The following KCTD16 variants were observed in gnomAD, a reference collection of about 807,000 sequenced individuals.
KCTD16 encodes potassium channel tetramerization domain containing 16.
Under a neutral mutation model 33.2 loss-of-function variants are expected in KCTD16, and 13 were observed. The observed-to-expected ratio is 0.39, with a 90% CI of 0.25 to 0.62. The LOEUF (loss-of-function observed/expected upper bound fraction) is 0.62. KCTD16 is among the 20% of genes least tolerant of loss of function. KCTD16 has a pLI of 0.50. For synonymous variants in KCTD16, 197 were observed against 195.3 expected (o/e 1.01, Z -0.07); for missense variants, 441 against 525.1 (o/e 0.84, Z 1.57).
intron 3 of KCTD16, among the ~76,000 whole-genome samples, chr5:144,371,203 G>T (rs1751958391): frequency 1.3e-5 from 2 of 152,000 alleles, no homozygotes; most frequent in African/African-American, 4.8e-5. Flanking sequence ...ACAAAGATGG[G>T]CGTACTAACC....
At chr5:144,195,251 C>T (rs1752919289) in intron 2 of KCTD16, among the ~76,000 whole-genome samples, 1 of 152,164 alleles carries the variant, frequency 6.6e-6, no homozygotes, top group African/African-American at 2.4e-5. Flanking sequence ...GTGCCTTTGG[C>T]CCAAGATTTC....
chr5:144,171,665 A>C (rs1347554328), intron 1 of KCTD16, among the ~76,000 whole-genome samples: 4 of 152,122 alleles, frequency 2.6e-5, no homozygotes, highest in Non-Finnish European at 5.9e-5. Flanking sequence ...TGGGGGCAAC[A>C]TTAGCTGAAT....
At chr5:144,437,347 C>T (rs985779583) in intron 3 of KCTD16, among the ~76,000 whole-genome samples, 2 of 152,106 alleles carry the variant, frequency 1.3e-5, no homozygotes, top group African/African-American at 2.4e-5. Flanking sequence ...AGCAAGACCA[C>T]GGAGCAGCAG....
intron 3 of KCTD16, among the ~76,000 whole-genome samples, chr5:144,446,947 A>ACACT (rs1164586747): frequency 1.3e-5 from 2 of 152,196 alleles, no homozygotes; most frequent in Non-Finnish European, 2.9e-5. Flanking sequence ...GAATGCTTTT[A>ACACT]CACTGTTGGT....
chr5:144,189,142 C>G (rs774175781), intron 2 of KCTD16, among the ~76,000 whole-genome samples: 1 of 152,174 alleles, frequency 6.6e-6, no homozygotes, highest in Non-Finnish European at 1.5e-5. Flanking sequence ...AAGTATTTAA[C>G]GCACAGCTCT....
chr5:144,372,175 T>A (rs1193930178), intron 3 of KCTD16, among the ~76,000 whole-genome samples: 1 of 151,892 alleles, frequency 6.6e-6, no homozygotes, highest in East Asian at 1.9e-4. Context: ...ATAAGTGAAT[T>A]TGGAAAATTT....
At chr5:144,221,664 TA>T (rs746124171) in intron 3 of KCTD16, among the ~76,000 whole-genome samples, 27 of 152,144 alleles carry the variant, frequency 1.8e-4, no homozygotes, top group Non-Finnish European at 3.2e-4. Flanking sequence ...TCCAGTCTAT[TA>T]TTGATGGGCA....
intron 3 of KCTD16, among the ~76,000 whole-genome samples, chr5:144,278,599 G>A (rs1357303935): frequency 1.4e-5 from 2 of 144,752 alleles, no homozygotes; most frequent in Non-Finnish European, 1.5e-5. Context: ...CCGGATTCAC[G>A]CCATTCTCCT....
chr5:144,408,602 G>C (rs964284824), intron 3 of KCTD16, among the ~76,000 whole-genome samples: 1 of 152,150 alleles, frequency 6.6e-6, no homozygotes, highest in African/African-American at 2.4e-5. Context: ...AACAGACACA[G>C]TACTTTGGTA....
At chr5:144,397,711 A>G (rs1416566542) in intron 3 of KCTD16, among the ~76,000 whole-genome samples, 1 of 152,178 alleles carries the variant, frequency 6.6e-6, no homozygotes, top group Non-Finnish European at 1.5e-5. Flanking sequence ...TGGAGCCAAA[A>G]AAGAGCCCGC....
At chr5:144,410,937 A>G (rs2126953691) in intron 3 of KCTD16, among the ~76,000 whole-genome samples, 1 of 152,282 alleles carries the variant, frequency 6.6e-6, no homozygotes, top group South Asian at 2.1e-4. Flanking sequence ...TTAAAGTCCT[A>G]ACCCCAAGTA....
In KCTD16 at chr5:144,190,571, A is replaced by C. The variant is rs1752821037; in HGVS notation, c.-326-15818A>C. Among the ~76,000 whole-genome samples the C allele has an allele frequency of 1.3e-5, 2 of 152,170 alleles. 1 individual carries two copies. The highest frequency in any genetic ancestry group is 4.1e-4 in the South Asian group (2 of 4,822). On this transcript the variant is annotated intron_variant, in intron 2 of 3. Coordinates refer to ENST00000512467, the MANE Select transcript of KCTD16 (RefSeq NM_020768.4). ...AATATTACGATTGATTGTTGAATGA[A>C]AATTCCTTTCTTTACTATAGTTCAC...
intron 3 of KCTD16, among the ~76,000 whole-genome samples, chr5:144,381,368 A>T (rs1361891190): frequency 6.6e-6 from 1 of 152,234 alleles, no homozygotes; most frequent in Non-Finnish European, 1.5e-5. Context: ...TAGTTCAGCC[A>T]CTGCAGAAAG....
intron 3 of KCTD16, among the ~76,000 whole-genome samples, chr5:144,267,824 A>C (rs1755187903): frequency 6.6e-6 from 1 of 152,018 alleles, no homozygotes; most frequent in Admixed American, 6.6e-5. Context: ...ATATCACTTT[A>C]TACAAAAGCA....
intron 2 of KCTD16, among the ~76,000 whole-genome samples, chr5:144,191,594 C>T (rs1318131509): frequency 6.6e-6 from 1 of 152,152 alleles, no homozygotes. Context: ...CTCTCATCCT[C>T]CCTCCCTAAG....
chr5:144,187,296 A>G (rs1344336858), intron 2 of KCTD16, among the ~76,000 whole-genome samples: 1 of 152,192 alleles, frequency 6.6e-6, no homozygotes, highest in Non-Finnish European at 1.5e-5. Context: ...TATTGAATGC[A>G]AATTTCAGGT....
intron 2 of KCTD16, among the ~76,000 whole-genome samples, chr5:144,197,594 A>G (rs1349675457): frequency 6.6e-6 from 1 of 152,186 alleles, no homozygotes; most frequent in East Asian, 1.9e-4. Context: ...TATAGTGGTG[A>G]TCTATGCTGG....
At chr5:144,397,624 C>G (rs555375099) in intron 3 of KCTD16, among the ~76,000 whole-genome samples, 3 of 152,244 alleles carry the variant, frequency 2.0e-5, no homozygotes, top group Admixed American at 6.5e-5. Context: ...GTCATTCTAA[C>G]CTGTGTGAGA....
chr5:144,225,157 A>C (rs1376297629), intron 3 of KCTD16, among the ~76,000 whole-genome samples: 2 of 152,208 alleles, frequency 1.3e-5, no homozygotes, highest in Non-Finnish European at 2.9e-5. Context: ...CCGCCTCACA[A>C]GATAAAATGA....
Sources: gnomAD v4.1 joint callset for allele counts (sites outside exome capture counted in the v4.1 genomes callset) on GRCh38, gnomAD v4.1.1 for gene constraint, MANE v1.5 for transcripts, NCBI Gene and HGNC (gene_info 2026-07-23, HGNC 2026-07-21) for gene names.